The following C8orf34 variants were observed in gnomAD, a reference collection of about 807,000 sequenced individuals.
The protein encoded by C8orf34 is uncharacterized protein C8orf34.
A neutral mutation model predicts 68.3 loss-of-function variants in C8orf34; 65 were observed. The ratio of observed to expected loss-of-function variants is 0.95; its 90% CI spans 0.78 to 1.17. The LOEUF (loss-of-function observed/expected upper bound fraction) is 1.17. Among genes scored for constraint, C8orf34 ranks in the 50% most tolerant of loss-of-function variants. The probability of loss-of-function intolerance (pLI) is 0.00; values close to 1 mark genes in which losing one functional copy is unlikely to be tolerated. For synonymous variants in C8orf34, 244 were observed against 241.2 expected (o/e 1.01, Z -0.11); for missense variants, 664 against 655.4 (o/e 1.01, Z -0.14).
intron 3 of C8orf34, among the ~76,000 whole-genome samples, chr8:68,448,910 A>T (rs972889617): frequency 6.6e-6 from 1 of 152,128 alleles, no homozygotes; most frequent in East Asian, 1.9e-4. Flanking sequence ...AGAGATAAAG[A>T]GACCATATCA....
chr8:68,792,571 C>CAAAAAAAAAAAAAAAAAAA (rs1162293308), intron 12 of C8orf34: 8 of 42,296 alleles, frequency 1.9e-4, no homozygotes, highest in South Asian at 1.1e-3. Context: ...GACTCCATCT[C>CAAAAAAAAAAAAAAAAAAA]AAAAAAAAAA....
intron 1 of C8orf34, among the ~76,000 whole-genome samples, chr8:68,391,859 A>C (rs6987210): frequency 0.041 from 6,229 of 152,232 alleles, 252 homozygotes; most frequent in African/African-American, 0.11. Flanking sequence ...TCACTTTTGC[A>C]CACATTTCAT....
chr8:68,374,846 T>C (rs796418969), intron 1 of C8orf34, among the ~76,000 whole-genome samples: 4 of 152,322 alleles, frequency 2.6e-5, no homozygotes, highest in African/African-American at 9.6e-5. Flanking sequence ...AGTGTAACAT[T>C]AGGGAGTTCT....
chr8:68,585,517 C>T (rs936591556), intron 7 of C8orf34, among the ~76,000 whole-genome samples: 3 of 152,110 alleles, frequency 2.0e-5, no homozygotes, highest in African/African-American at 7.2e-5. Flanking sequence ...TATTAGTTAT[C>T]TATGCTGCAT....
chr8:68,465,528 A>G (rs1812078510), intron 3 of C8orf34, among the ~76,000 whole-genome samples: 1 of 152,142 alleles, frequency 6.6e-6, no homozygotes, highest in Non-Finnish European at 1.5e-5. Flanking sequence ...ACTATTCACA[A>G]TAGCAAAGTC....
intron 7 of C8orf34, among the ~76,000 whole-genome samples, chr8:68,591,699 G>A (rs1008466001): frequency 3.3e-5 from 5 of 152,186 alleles, no homozygotes; most frequent in African/African-American, 4.8e-5. Flanking sequence ...CACATGTCAT[G>A]TGACAGGCAC....
chr8:68,797,291 G>T (rs907709922), intron 12 of C8orf34, among the ~76,000 whole-genome samples: 3 of 152,164 alleles, frequency 2.0e-5, no homozygotes, highest in Admixed American at 1.3e-4. Flanking sequence ...TGGGGAAATT[G>T]AAGTTCCAAG....
intron 7 of C8orf34, among the ~76,000 whole-genome samples, chr8:68,612,503 TTTGA>T (rs753829928): frequency 2.0e-5 from 3 of 152,270 alleles, no homozygotes; most frequent in East Asian, 3.9e-4. Context: ...AGAAAAACCT[TTTGA>T]TTGATTATTT....
At chr8:68,485,721 TAA>T (rs144215758) in intron 4 of C8orf34, among the ~76,000 whole-genome samples, 649 of 46,326 alleles carry the variant, frequency 0.014, 6 homozygotes, top group Middle Eastern at 0.035. Flanking sequence ...CAAAAAAAAA[TAA>T]AAAATAAATA....
intron 12 of C8orf34, among the ~76,000 whole-genome samples, chr8:68,790,354 C>A (rs1471660895): frequency 2.0e-5 from 3 of 152,208 alleles, no homozygotes; most frequent in Admixed American, 6.5e-5. Context: ...ACAAGTTTAT[C>A]ATTTCAACAA....
chr8:68,755,822 G>A (rs1361328981), intron 10 of C8orf34, among the ~76,000 whole-genome samples: 1 of 152,034 alleles, frequency 6.6e-6, no homozygotes, highest in Admixed American at 6.5e-5. Context: ...AGCACTTTGG[G>A]AGGCCGAAGC....
At chr8:68,728,152 A>G (rs889258911) in intron 10 of C8orf34, among the ~76,000 whole-genome samples, 9 of 152,132 alleles carry the variant, frequency 5.9e-5, no homozygotes, top group South Asian at 2.1e-4. Flanking sequence ...GATACCCTAA[A>G]TAGTCTCTCT....
intron 8 of C8orf34, among the ~76,000 whole-genome samples, chr8:68,680,868 A>G (rs899365929): frequency 2.0e-5 from 3 of 151,998 alleles, no homozygotes; most frequent in Non-Finnish European, 4.4e-5. Context: ...ACTGCAGGAG[A>G]CCAGGGCGTA....
chr8:68,777,302 G>T (rs1392808179), intron 11 of C8orf34, among the ~76,000 whole-genome samples: 1 of 152,206 alleles, frequency 6.6e-6, no homozygotes, highest in Non-Finnish European at 1.5e-5. Flanking sequence ...TTCCCACCTG[G>T]AGAGAACTGA....
At chr8:68,631,523 T>TTAATATTCCATTC (rs1364379616) in intron 7 of C8orf34, among the ~76,000 whole-genome samples, 4 of 152,186 alleles carry the variant, frequency 2.6e-5, no homozygotes, top group Non-Finnish European at 4.4e-5. Flanking sequence ...AAACTCTGTT[T>TTAATATTCCATTC]TAATATTCCA....
Position 68,488,055 on chromosome 8 carries a change from A to G in C8orf34, c.765+4A>G. The stretch of plus-strand genomic sequence containing the variant: ...AATTTCAGATGAACTCGATAAGGTA[A>G]GTTGAACTATACATCTGGTGAAAAG... On this transcript the variant is annotated splice_donor_region_variant and intron_variant, in intron 5 of 13. Transcript: ENST00000518698. 3 of 1,585,432 alleles carry G rather than the reference A, an allele frequency of 1.9e-6. No individual in the cohort carries two copies. Among genetic ancestry groups the G allele is most frequent in the South Asian group, 1.2e-5 (1 of 86,528 alleles).
chr8:68,645,726 A>G (rs1819149240), intron 8 of C8orf34, among the ~76,000 whole-genome samples: 1 of 152,188 alleles, frequency 6.6e-6, no homozygotes, highest in African/African-American at 2.4e-5. Context: ...GACTCAAGTG[A>G]TGTTGAGGGT....
chr8:68,431,943 A>G (rs1399108799), intron 1 of C8orf34, among the ~76,000 whole-genome samples: 1 of 152,184 alleles, frequency 6.6e-6, no homozygotes, highest in Non-Finnish European at 1.5e-5. Context: ...AGTATACAAC[A>G]AGGCTAATTA....
chr8:68,490,290 C>G (rs551544251), intron 5 of C8orf34, among the ~76,000 whole-genome samples: 140 of 152,292 alleles, frequency 9.2e-4, no homozygotes, highest in African/African-American at 3.2e-3. Flanking sequence ...AGCTCGTATG[C>G]GGTTGTTACT....
Sources: gnomAD v4.1 joint callset for allele counts (sites outside exome capture counted in the v4.1 genomes callset) on GRCh38, gnomAD v4.1.1 for gene constraint, MANE v1.5 for transcripts, NCBI Gene and HGNC (gene_info 2026-07-23, HGNC 2026-07-21) for gene names.